FAM120B: variants seen among roughly 807,000 people sequenced by gnomAD.
FAM120B encodes the protein constitutive coactivator of peroxisome proliferator-activated receptor gamma.
In FAM120B, 83 loss-of-function variants were observed where a neutral mutation model predicts 96.3. The observed-to-expected ratio is 0.86, with a 90% confidence interval of 0.72 to 1.03. The LOEUF is 1.03. FAM120B is among the 50% of genes least tolerant of loss of function. The pLI is 0.00. For missense variants in FAM120B, 1,027 were observed against 1,121.2 expected (o/e 0.92, Z 1.20); for synonymous variants, 407 against 402.7 (o/e 1.01, Z -0.13).
At position 170,395,553 on chromosome 6, in the gene FAM120B, G is replaced by T; in HGVS notation, c.2666G>T (p.Gly889Val). Residue 889 changes from glycine to valine, a missense_variant, in exon 9 of 11, where the codon GGA becomes GTA. Gly to Val is a moderately radical substitution (Grantham distance 109, BLOSUM62 -3). Coordinates refer to ENST00000476287, the MANE Select transcript of FAM120B (RefSeq NM_032448.3). ...TGSGYSRSSQ[G>V]QPWRDQGPGS... ...TCTGGGTATAGCCGTTCCAGTCAGG[G>T]ACAGCCGTGGAGAGACCAGGGACCA... is the stretch of plus-strand genomic sequence containing the variant. 6.3e-7 allele frequency: 1 copy of T among 1,596,850 alleles called. No homozygotes were observed. Among genetic ancestry groups the T allele is most frequent in the Non-Finnish European group, 8.5e-7 (1 of 1,171,744 alleles).
intron 6 of FAM120B, among the ~76,000 whole-genome samples, chr6:170,377,994 A>G (rs988373075): frequency 6.7e-6 from 1 of 149,378 alleles, no homozygotes; most frequent in African/African-American, 2.5e-5. Context: ...TGAAACCAAA[A>G]GGGAAATGTT....
At chr6:170,359,381 G>A (rs1480578887) in intron 6 of FAM120B, among the ~76,000 whole-genome samples, 3 of 144,526 alleles carry the variant, frequency 2.1e-5, no homozygotes, top group Non-Finnish European at 4.6e-5. Context: ...CAACAAGAGC[G>A]AAACTCTGTC....
At position 170,348,225 on chromosome 6, in the gene FAM120B, C is replaced by G; in HGVS notation, c.2092C>G (p.Leu698Val). 6.2e-7 allele frequency: 1 copy of G among 1,614,120 alleles called. No homozygotes were observed. The highest frequency in any genetic ancestry group is 1.3e-5 in the African/African-American group (1 of 75,044). Residue 698 changes from leucine (L) to valine (V), a missense_variant, in exon 5 of 11, where the codon CTA becomes GTA. By Grantham distance (32) the Leu-to-Val change is conservative. Transcript: ENST00000476287. ...ACAGGTTCGGCGCTTGGACACACTC[C>G]TAGCCTGTTTCAATCTTTCCTCCTC... ...EIQVRRLDTL[L>V]ACFNLSSSRE...
At chr6:170,359,928 T>C (rs565071781) in intron 6 of FAM120B, among the ~76,000 whole-genome samples, 123 of 152,292 alleles carry the variant, frequency 8.1e-4, no homozygotes, top group Admixed American at 1.4e-3. Flanking sequence ...AGTAGGTTAA[T>C]GTGCATTCTT....
At position 170,323,259 on chromosome 6, in the gene FAM120B, G is replaced by A; in HGVS notation, c.1915G>A (p.Asp639Asn). ...VYSLLLEDCQ[D>N]VTSTCLAVKE... Reference sequence around the variant, plus strand: ...CTCACTCTTACTGGAGGACTGTCAAGGTGAGAATTGGTTGGTCCCTCTTAG... The same window carrying A: ...CTCACTCTTACTGGAGGACTGTCAAAGTGAGAATTGGTTGGTCCCTCTTAG... The change falls in exon 3 of 11, where the codon GAT becomes AAT. Residue 639 changes from aspartate to asparagine, a missense_variant and splice_region_variant. By Grantham distance (23) the Asp-to-Asn change is conservative. Coordinates refer to ENST00000476287, the MANE Select transcript of FAM120B (RefSeq NM_032448.3). 6.2e-7 allele frequency: 1 copy of A among 1,611,208 alleles called. No homozygotes were observed. The highest frequency in any genetic ancestry group is 1.3e-5 in the African/African-American group (1 of 74,958).
chr6:170,315,645 T>C (rs1052119416), intron 1 of FAM120B, among the ~76,000 whole-genome samples: 1 of 152,006 alleles, frequency 6.6e-6, no homozygotes, highest in Non-Finnish European at 1.5e-5. Context: ...GCAAGCCTTC[T>C]CTAAATGTCA....
intron 1 of FAM120B, among the ~76,000 whole-genome samples, chr6:170,301,485 T>C (rs1784140149): frequency 6.6e-6 from 1 of 152,198 alleles, no homozygotes; most frequent in Non-Finnish European, 1.5e-5. Context: ...ACTGTTTTAG[T>C]GATTAACATT....
chr6:170,326,133 C>A (rs893534178), intron 3 of FAM120B, among the ~76,000 whole-genome samples: 1 of 152,016 alleles, frequency 6.6e-6, no homozygotes, highest in African/African-American at 2.4e-5. Context: ...TCCCATGTAC[C>A]CTTCACTCAG....
rs533049018 is a variant in FAM120B, at chr6:170,401,102, G to A, written c.2693-3448G>A. 3.9e-5 allele frequency among the ~76,000 whole-genome samples: 6 copies of A among 152,308 alleles called. No individual in the cohort carries two copies. In the South Asian group the frequency reaches 6.2e-4, roughly 16 times the overall value. The stretch of plus-strand genomic sequence containing the variant: ...AACAGCATAATGACTTTCCATAGGC[G>A]GAATTGTAGCTAGTCATCCTCAGCC... On this transcript the variant is annotated intron_variant, in intron 9 of 10. Transcript: ENST00000476287.
At chr6:170,310,238 A>C (rs1204334412) in intron 1 of FAM120B, among the ~76,000 whole-genome samples, 1 of 152,254 alleles carries the variant, frequency 6.6e-6, no homozygotes, top group Non-Finnish European at 1.5e-5. Flanking sequence ...TGTAGAGCAC[A>C]GTGTGGGTAG....
At chr6:170,359,234 C>G (rs908695892) in intron 6 of FAM120B, among the ~76,000 whole-genome samples, 3 of 152,046 alleles carry the variant, frequency 2.0e-5, no homozygotes, top group Non-Finnish European at 4.4e-5. Flanking sequence ...ACCCTCATCT[C>G]TACTAAAAAT....
chr6:170,390,917 TGGAA>T (rs1423626848), intron 7 of FAM120B, 92 bp from the exon 8 acceptor site: 2 of 948,758 alleles, frequency 2.1e-6, no homozygotes, highest in African/African-American at 3.2e-5. Context: ...GGGAACAGTG[TGGAA>T]GGGTGTCCCC....
chr6:170,402,166 C>T (rs1230062133), intron 9 of FAM120B, among the ~76,000 whole-genome samples: 1 of 152,236 alleles, frequency 6.6e-6, no homozygotes, highest in Non-Finnish European at 1.5e-5. Flanking sequence ...GTTTGTGCGC[C>T]CTCTTAAATA....
chr6:170,368,206 G>A (rs1348389729), intron 6 of FAM120B, among the ~76,000 whole-genome samples: 3 of 152,148 alleles, frequency 2.0e-5, no homozygotes, highest in African/African-American at 7.2e-5. Flanking sequence ...TTAGTGGAAC[G>A]GTTTGCACCA....
intron 4 of FAM120B, among the ~76,000 whole-genome samples, chr6:170,337,665 T>C (rs955334337): frequency 7.2e-5 from 11 of 151,888 alleles, no homozygotes; most frequent in African/African-American, 2.7e-4. Context: ...GGTCCTGGGC[T>C]TTTTTTTGGT....
chr6:170,333,570 T>C (rs1348501683), intron 4 of FAM120B, among the ~76,000 whole-genome samples: 1 of 150,820 alleles, frequency 6.6e-6, no homozygotes, highest in Non-Finnish European at 1.5e-5. Context: ...CAGGCTGGAA[T>C]GCAGTGGCAC....
intron 6 of FAM120B, among the ~76,000 whole-genome samples, chr6:170,372,677 C>G (rs190073275): frequency 1.8e-4 from 28 of 152,250 alleles, no homozygotes; most frequent in Admixed American, 6.5e-4. Context: ...CCTCATGGAG[C>G]ATCTTTACCA....
At chr6:170,394,935 A>T (rs1404512355) in intron 8 of FAM120B, among the ~76,000 whole-genome samples, 1 of 152,254 alleles carries the variant, frequency 6.6e-6, no homozygotes, top group Admixed American at 6.5e-5. Flanking sequence ...TTTGTGGAGC[A>T]CCATGGACTA....
intron 8 of FAM120B, among the ~76,000 whole-genome samples, chr6:170,393,676 C>T (rs1790586177): frequency 1.3e-5 from 2 of 152,212 alleles, no homozygotes; most frequent in African/African-American, 4.8e-5. Context: ...TGGTTCAGTC[C>T]CTCATTTTGC....
Sources: allele counts gnomAD v4.1 joint callset (sites outside exome capture counted in the v4.1 genomes callset), GRCh38; gene constraint gnomAD v4.1.1; transcripts MANE v1.5; gene names NCBI Gene and HGNC (gene_info 2026-07-23, HGNC 2026-07-21).